The following KIF2A variants were observed in gnomAD, a reference collection of about 807,000 sequenced individuals.
The protein encoded by KIF2A is kinesin family member 2A.
Under a neutral mutation model 100.2 loss-of-function variants are expected in KIF2A, and 22 were observed. The observed-to-expected ratio is 0.22, with a 90% CI of 0.16 to 0.31. The LOEUF is 0.31. Among genes scored for constraint, KIF2A ranks in the 10% least tolerant of loss-of-function variants. KIF2A has a pLI of 1.00. For missense variants in KIF2A, 495 were observed against 898.7 expected, an observed-to-expected ratio of 0.55 and a Z score of 5.74; for synonymous variants, 268 against 285.9, an observed-to-expected ratio of 0.94 and a Z score of 0.63.
intron 1 of KIF2A, among the ~76,000 whole-genome samples, chr5:62,342,414 A>C (rs900383783): frequency 1.3e-5 from 2 of 152,196 alleles, no homozygotes; most frequent in Non-Finnish European, 2.9e-5. Context: ...CTCTCTAAGA[A>C]AGAATTTCAG....
At chr5:62,310,374 C>T (rs1277182314) in intron 1 of KIF2A, among the ~76,000 whole-genome samples, 1 of 152,190 alleles carries the variant, frequency 6.6e-6, no homozygotes, top group East Asian at 1.9e-4. Context: ...CTTAAATTCC[C>T]TGAATGCATC....
At chr5:62,320,548 C>T (rs79788342) in intron 1 of KIF2A, among the ~76,000 whole-genome samples, 6,597 of 148,350 alleles carry the variant, frequency 0.044, 452 homozygotes, top group African/African-American at 0.15. Flanking sequence ...TTGTGAAGTT[C>T]AGGCTGTGAC....
chr5:62,377,861 G>C, intron 19 of KIF2A, 99 bp downstream of exon 19: 1 of 682,364 alleles, frequency 1.5e-6, no homozygotes, highest in Non-Finnish European at 2.4e-6. Flanking sequence ...AAAAATACTT[G>C]TTTGTATATA....
chr5:62,306,307 T>G lies in KIF2A; in HGVS notation c.-166T>G, dbSNP rs1254309187. On this transcript the variant is annotated 5_prime_UTR_variant, in exon 1 of 21. Coordinates refer to ENST00000407818, the MANE Select transcript of KIF2A (RefSeq NM_001098511.3). ...CTGCAGGCCCGGGGCCTCCGCCTGCTTCCCCACAGCTGCTCCTTGCGGCCC... is the reference window on the plus strand; with the variant it reads ...CTGCAGGCCCGGGGCCTCCGCCTGCGTCCCCACAGCTGCTCCTTGCGGCCC... The G allele has an allele frequency of 1.7e-6, 1 of 585,876 alleles. No homozygotes were observed. Among genetic ancestry groups the G allele is most frequent in the Non-Finnish European group, 3.0e-6 (1 of 332,240 alleles). 36.3% of individuals were successfully genotyped at this position (585,876 alleles called of 1,614,324 possible). A position where few individuals can be genotyped will look rare whatever the true frequency, so the allele number is the denominator to read the frequency against.
intron 1 of KIF2A, among the ~76,000 whole-genome samples, chr5:62,329,110 C>T (rs1746516252): frequency 6.6e-6 from 1 of 152,136 alleles, no homozygotes; most frequent in South Asian, 2.1e-4. Context: ...TTAGCTATAT[C>T]ATTTTCTTTT....
chr5:62,356,856 G>A (rs1321273147), intron 7 of KIF2A, among the ~76,000 whole-genome samples: 1 of 151,368 alleles, frequency 6.6e-6, no homozygotes, highest in Non-Finnish European at 1.5e-5. Flanking sequence ...CAGGATCTCG[G>A]CTCACTACAA....
chr5:62,357,358 A>G (rs763745109), intron 7 of KIF2A, among the ~76,000 whole-genome samples: 15 of 152,298 alleles, frequency 9.8e-5, no homozygotes, highest in Middle Eastern at 3.4e-3. Context: ...TGCTGGGATT[A>G]TAGGAATGAG....
At chr5:62,319,782 G>T (rs1369010559) in intron 1 of KIF2A, among the ~76,000 whole-genome samples, 2 of 152,300 alleles carry the variant, frequency 1.3e-5, no homozygotes, top group Admixed American at 6.5e-5. Flanking sequence ...CAAGGTGTGT[G>T]TCACTGTTTT....
intron 15 of KIF2A, among the ~76,000 whole-genome samples, 152 bp from the exon 16 acceptor site, chr5:62,366,262 A>G (rs1174353978): frequency 2.0e-5 from 3 of 152,208 alleles, no homozygotes; most frequent in African/African-American, 7.2e-5. Flanking sequence ...TATAGATATG[A>G]TAACAAATAA....
Position 62,389,015 on chromosome 5 carries a change from A to G in KIF2A, c.*3446A>G. ...AATTTCTGTTTTCCAAATACCTAGG[A>G]AAAATGAATACCTTCTGCGTTGAAT... On this transcript the variant is annotated 3_prime_UTR_variant, in exon 21 of 21. Coordinates refer to ENST00000407818, the MANE Select transcript of KIF2A (RefSeq NM_001098511.3). 1 of 1,609,466 alleles carries G rather than the reference A, an allele frequency of 6.2e-7. No homozygotes were observed. The highest frequency in any genetic ancestry group is 8.5e-7 in the Non-Finnish European group (1 of 1,178,750).
At chr5:62,313,899 C>T (rs184132183) in intron 1 of KIF2A, among the ~76,000 whole-genome samples, 7 of 152,178 alleles carry the variant, frequency 4.6e-5, no homozygotes, top group Admixed American at 4.6e-4. Context: ...TCAAGCAATC[C>T]TCTCACCTTA....
intron 6 of KIF2A, among the ~76,000 whole-genome samples, chr5:62,354,719 C>T (rs1286559256): frequency 6.6e-6 from 1 of 152,024 alleles, no homozygotes; most frequent in Non-Finnish European, 1.5e-5. Context: ...TTATACTTTG[C>T]TGAAACACTG....
intron 18 of KIF2A, among the ~76,000 whole-genome samples, chr5:62,375,683 A>C (rs1283598275): frequency 6.6e-6 from 1 of 152,218 alleles, no homozygotes; most frequent in Non-Finnish European, 1.5e-5. Flanking sequence ...CCATGTTCCA[A>C]ATCACTGTTA....
chr5:62,352,808 A>G, intron 5 of KIF2A, 98 bp downstream of exon 5: 3 of 877,856 alleles, frequency 3.4e-6, no homozygotes, highest in Non-Finnish European at 4.9e-6. Context: ...CACTCTAAAT[A>G]CAAGCTTGAT....
At chr5:62,362,980 C>T (rs569049667) in intron 12 of KIF2A, among the ~76,000 whole-genome samples, 198 bp from the exon 13 acceptor site, 1 of 152,264 alleles carries the variant, frequency 6.6e-6, no homozygotes, top group African/African-American at 2.4e-5. Flanking sequence ...GCATGCACCA[C>T]CATGCCCAGC....
intron 7 of KIF2A, among the ~76,000 whole-genome samples, chr5:62,356,079 G>A (rs184316978): frequency 7.6e-4 from 115 of 152,262 alleles, no homozygotes; most frequent in African/African-American, 2.7e-3. Flanking sequence ...GATTATAGGC[G>A]TGAGCCACCA....
intron 5 of KIF2A, 30 bp from the exon 6 acceptor site, chr5:62,353,243 CTA>C: frequency 7.8e-7 from 1 of 1,277,362 alleles, no homozygotes; most frequent in Non-Finnish European, 1.1e-6. Flanking sequence ...AAAAAGAAAA[CTA>C]TACTTCTACA....
At chr5:62,312,003 A>T (rs1745575266) in intron 1 of KIF2A, 1 of 152,130 alleles carries the variant, frequency 6.6e-6, no homozygotes, top group African/African-American at 2.4e-5. Context: ...GAATCCCTTC[A>T]CTCCCAGCTC....
At position 62,306,592 on chromosome 5, in the gene KIF2A, G is replaced by C. The variant is rs891399321; in HGVS notation, c.64+56G>C. The stretch of plus-strand genomic sequence containing the variant: ...CTCGGCCCCGTGTTCGGGTGTGCAC[G>C]GAGGGGACGCGGGCGCCGGCCGCCT... On this transcript the variant is annotated intron_variant, in intron 1 of 20. Coordinates refer to ENST00000407818, the MANE Select transcript of KIF2A (RefSeq NM_001098511.3). 8 of 1,422,238 alleles carry C rather than the reference G, an allele frequency of 5.6e-6. No homozygotes were observed. The South Asian group carries it at 7.5e-5, about 13-fold the overall frequency. The allele number at this position is 1,422,238 out of a possible 1,614,324, so 88.1% of individuals were successfully genotyped here.
Sources: gnomAD v4.1 joint callset for allele counts (sites outside exome capture counted in the v4.1 genomes callset) on GRCh38, gnomAD v4.1.1 for gene constraint, MANE v1.5 for transcripts, NCBI Gene and HGNC (gene_info 2026-07-23, HGNC 2026-07-21) for gene names.